The following PCDH7 variants were observed in gnomAD, a reference collection of about 807,000 sequenced individuals.
The protein encoded by PCDH7 is protocadherin-7.
In PCDH7, 17 loss-of-function variants were observed where a neutral mutation model predicts 58.9. That is an observed-to-expected ratio of 0.29 (90% CI 0.20 to 0.43). The LOEUF (loss-of-function observed/expected upper bound fraction) is 0.43, where lower values mean the gene tolerates loss of function less well. Ranked by LOEUF, PCDH7 falls within the 20% of genes least tolerant of loss-of-function variation. The pLI is 1.00. For synonymous variants in PCDH7, 664 were observed against 616.4 expected (o/e 1.08, Z -1.14); for missense variants, 1,274 against 1,441.0 (o/e 0.88, Z 1.88).
At chr4:30,740,187 G>GTT (rs1166746009) in intron 1 of PCDH7, among the ~76,000 whole-genome samples, 1 of 152,180 alleles carries the variant, frequency 6.6e-6, no homozygotes, top group Non-Finnish European at 1.5e-5. Context: ...GTGCATATAT[G>GTT]AAGTAGAGGG....
At chr4:30,840,531 A>C (rs1347043713) in intron 1 of PCDH7, among the ~76,000 whole-genome samples, 2 of 152,138 alleles carry the variant, frequency 1.3e-5, no homozygotes, top group Non-Finnish European at 2.9e-5. Flanking sequence ...AATATTTAAA[A>C]CATAAAGCAT....
At chr4:31,008,584 T>C (rs1490934491) in intron 3 of PCDH7, among the ~76,000 whole-genome samples, 1 of 151,874 alleles carries the variant, frequency 6.6e-6, no homozygotes, top group African/African-American at 2.4e-5. Flanking sequence ...CCTGTATTTC[T>C]CTTGTTAATT....
At chr4:30,889,613 A>G (rs1031386365) in intron 1 of PCDH7, among the ~76,000 whole-genome samples, 6 of 152,314 alleles carry the variant, frequency 3.9e-5, no homozygotes, top group South Asian at 2.1e-4. Context: ...TCAGAGTTCT[A>G]GAGGCTGGAA....
intron 1 of PCDH7, among the ~76,000 whole-genome samples, chr4:30,874,535 T>C (rs1167609402): frequency 6.9e-6 from 1 of 144,102 alleles, no homozygotes; most frequent in Non-Finnish European, 1.5e-5. Flanking sequence ...CTCTGGGGAC[T>C]GTTGTGGGGT....
chr4:31,014,600 A>G (rs1169785587), intron 3 of PCDH7, among the ~76,000 whole-genome samples: 2 of 152,208 alleles, frequency 1.3e-5, no homozygotes, highest in Non-Finnish European at 2.9e-5. Flanking sequence ...ATCGATTTTT[A>G]TCTTAACAAA....
chr4:30,995,405 G>A (rs1195555979), intron 3 of PCDH7, among the ~76,000 whole-genome samples: 2 of 151,972 alleles, frequency 1.3e-5, no homozygotes, highest in Non-Finnish European at 2.9e-5. Flanking sequence ...CCAGCTACTC[G>A]GGAGGCTCAC....
At chr4:30,974,658 C>T (rs1038575378) in intron 3 of PCDH7, among the ~76,000 whole-genome samples, 9 of 152,100 alleles carry the variant, frequency 5.9e-5, no homozygotes, top group South Asian at 2.1e-4. Context: ...GAATTAAGCA[C>T]GTAAGGTAAT....
intron 3 of PCDH7, among the ~76,000 whole-genome samples, chr4:30,954,383 T>C (rs1747643012): frequency 6.6e-6 from 1 of 152,190 alleles, no homozygotes; most frequent in Non-Finnish European, 1.5e-5. Flanking sequence ...CTTTGTACAA[T>C]ATTCTCAAGA....
intron 3 of PCDH7, among the ~76,000 whole-genome samples, chr4:30,990,870 A>G (rs193028955): frequency 6.6e-6 from 1 of 152,270 alleles, no homozygotes; most frequent in African/African-American, 2.4e-5. Flanking sequence ...TAAGTTATTT[A>G]TGCATATTGT....
At chr4:30,911,751 C>A in intron 1 of PCDH7, among the ~76,000 whole-genome samples, 1 of 152,010 alleles carries the variant, frequency 6.6e-6, no homozygotes, top group East Asian at 1.9e-4. Flanking sequence ...TTGCATTAGT[C>A]TGAATATTGA....
intron 3 of PCDH7, among the ~76,000 whole-genome samples, chr4:30,969,204 C>T (rs1030928711): frequency 2.6e-5 from 4 of 152,106 alleles, no homozygotes; most frequent in African/African-American, 9.7e-5. Context: ...CTTGCCGTAC[C>T]AGCTAGTTAA....
intron 1 of PCDH7, among the ~76,000 whole-genome samples, chr4:30,824,109 TTC>T (rs1047105240): frequency 7.1e-6 from 1 of 140,068 alleles, no homozygotes; most frequent in African/African-American, 2.7e-5. Context: ...CTTTCTTTCT[TTC>T]TTTCTTTCTT....
At chr4:30,861,772 T>G (rs913289770) in intron 1 of PCDH7, among the ~76,000 whole-genome samples, 4 of 152,132 alleles carry the variant, frequency 2.6e-5, no homozygotes, top group African/African-American at 4.8e-5. Context: ...TTCAATGAAT[T>G]ATTTGTAGTT....
intron 1 of PCDH7, among the ~76,000 whole-genome samples, chr4:30,848,308 T>C (rs897326497): frequency 5.9e-5 from 9 of 152,104 alleles, no homozygotes; most frequent in Admixed American, 5.9e-4. Flanking sequence ...AACAATTAGG[T>C]AATTCAGTAG....
intron 1 of PCDH7, chr4:30,725,082 A>G (rs1188976495): frequency 1.0e-6 from 1 of 1,001,564 alleles, no homozygotes; most frequent in Non-Finnish European, 1.2e-6. Flanking sequence ...TTACAGATAA[A>G]TAGATGCTGA....
At chr4:30,931,641 A>T (rs1433897264) in intron 2 of PCDH7, among the ~76,000 whole-genome samples, 1 of 151,814 alleles carries the variant, frequency 6.6e-6, no homozygotes, top group East Asian at 1.9e-4. Flanking sequence ...TACAGATTTA[A>T]CAGAATTGAG....
At chr4:30,773,115 C>T (rs1467037975) in intron 1 of PCDH7, among the ~76,000 whole-genome samples, 1 of 152,206 alleles carries the variant, frequency 6.6e-6, no homozygotes, top group Non-Finnish European at 1.5e-5. Context: ...CTTGGCCAGC[C>T]TGGTCTCAAC....
At chr4:31,108,156 A>T (rs916942874) in intron 3 of PCDH7, among the ~76,000 whole-genome samples, 5 of 151,994 alleles carry the variant, frequency 3.3e-5, no homozygotes, top group African/African-American at 1.2e-4. Flanking sequence ...AATAGACCAG[A>T]TCATGTTTAT....
At chr4:30,854,817 G>A (rs1365811540) in intron 1 of PCDH7, among the ~76,000 whole-genome samples, 2 of 152,126 alleles carry the variant, frequency 1.3e-5, no homozygotes, top group South Asian at 4.1e-4. Context: ...TGGGTAGTGG[G>A]ATGATGGCCA....
Sources: gnomAD v4.1 joint callset for allele counts (sites outside exome capture counted in the v4.1 genomes callset) on GRCh38, gnomAD v4.1.1 for gene constraint, MANE v1.5 for transcripts, NCBI Gene and HGNC (gene_info 2026-07-23, HGNC 2026-07-21) for gene names.